Variants in SETD2 observed in about 807,000 individuals in gnomAD.
SETD2 encodes the protein histone-lysine N-methyltransferase SETD2.
In SETD2, 31 loss-of-function variants were observed where a neutral mutation model predicts 242.1. The observed-to-expected ratio is 0.13, with a 90% confidence interval of 0.10 to 0.17. The LOEUF (loss-of-function observed/expected upper bound fraction) is 0.17. Ranked by LOEUF, SETD2 falls within the 10% of genes least tolerant of loss-of-function variation. The pLI, the probability that SETD2 is intolerant of heterozygous loss-of-function variation, is 1.00. For synonymous variants in SETD2, 1,006 were observed against 1,066.5 expected (o/e 0.94, Z 1.11); for missense variants, 2,481 against 3,046.3 (o/e 0.81, Z 4.37).
chr3:47,042,717 C>T lies in SETD2; in HGVS notation c.7099-17G>A, dbSNP rs2039337739. ...CATTTCAGACTACAAAGAAAACACA[C>T]ACATTTTTGATCAGTGATCTCTCTC... On this transcript the variant is annotated splice_polypyrimidine_tract_variant and intron_variant, in intron 16 of 20. Transcript: ENST00000409792. 1.9e-6 allele frequency: 3 copies of T among 1,583,358 alleles called. No homozygotes were observed. The highest frequency in any genetic ancestry group is 1.4e-5 in the African/African-American group (1 of 73,646).
intron 1 of SETD2, among the ~76,000 whole-genome samples, chr3:47,149,650 C>G (rs1011340074): frequency 1.3e-5 from 2 of 152,176 alleles, no homozygotes; most frequent in African/African-American, 4.8e-5. Flanking sequence ...GGGCTGCCCT[C>G]CCTGATTGCC....
intron 1 of SETD2, among the ~76,000 whole-genome samples, chr3:47,137,714 A>T (rs1231714229): frequency 1.3e-5 from 2 of 152,006 alleles, no homozygotes; most frequent in East Asian, 3.9e-4. Context: ...TCTGAGACAG[A>T]ATCTTGCTGT....
At chr3:47,035,440 A>G (rs965866493) in intron 18 of SETD2, among the ~76,000 whole-genome samples, 5 of 152,238 alleles carry the variant, frequency 3.3e-5, no homozygotes, top group African/African-American at 4.8e-5. Context: ...ATTGTGTAGC[A>G]TGGCACATAA....
At chr3:47,142,192 T>C (rs1645119773) in intron 1 of SETD2, among the ~76,000 whole-genome samples, 1 of 152,128 alleles carries the variant, frequency 6.6e-6, no homozygotes, top group Non-Finnish European at 1.5e-5. Context: ...AAGTTCTAAT[T>C]ACGAACTTTG....
intron 18 of SETD2, among the ~76,000 whole-genome samples, chr3:47,037,269 A>C (rs577196620): frequency 4.1e-4 from 51 of 123,334 alleles, no homozygotes; most frequent in South Asian, 1.8e-3. Flanking sequence ...TCCTAATGCT[A>C]TCCCTCCCCC....
intron 5 of SETD2, among the ~76,000 whole-genome samples, chr3:47,110,499 C>T (rs2042607751): frequency 6.6e-6 from 1 of 152,196 alleles, no homozygotes; most frequent in South Asian, 2.1e-4. Context: ...TCTCTTCCTA[C>T]AACTGGGAGA....
Position 47,062,187 on chromosome 3 carries a change from C to T in SETD2, c.6269G>A (p.Arg2090Gln), listed in dbSNP as rs149758106. ...CCTGTCATCTGGCCTTTTTGTTCCC[C>T]GCTCATAGGCAGAAGAGGGTGGTGA... ...SLSPPSSAYE[R>Q]GTKRPDDRYD... The change falls in exon 14 of 21, where the codon CGG (arginine) becomes CAG (glutamine). Residue 2090 changes from arginine (R) to glutamine (Q), a missense_variant. By Grantham distance (43) the Arg-to-Gln change is conservative (BLOSUM62 1). This residue lies in a region of SETD2 where 80 missense variants were observed against 102.6 expected (regional missense o/e 0.78). Coordinates refer to ENST00000409792, the MANE Select transcript of SETD2 (RefSeq NM_014159.7). 1.9e-6 allele frequency: 3 copies of T among 1,613,310 alleles called. No individual in the cohort carries two copies. The highest frequency in any genetic ancestry group is 2.5e-6 in the Non-Finnish European group (3 of 1,179,882).
At chr3:47,086,480 C>G (rs907749007) in intron 10 of SETD2, among the ~76,000 whole-genome samples, 166 bp from the exon 11 acceptor site, 2 of 152,160 alleles carry the variant, frequency 1.3e-5, no homozygotes, top group African/African-American at 4.8e-5. Flanking sequence ...TAGAACTCTA[C>G]AACAAATGCT....
At chr3:47,132,445 C>CCACTG (rs904897302) in intron 1 of SETD2, among the ~76,000 whole-genome samples, 1 of 152,048 alleles carries the variant, frequency 6.6e-6, no homozygotes, top group Non-Finnish European at 1.5e-5. Flanking sequence ...AGAGATTGTG[C>CCACTG]CACTGCACTC....
At chr3:47,053,662 C>T (rs1169362727) in intron 15 of SETD2, among the ~76,000 whole-genome samples, 2 of 152,286 alleles carry the variant, frequency 1.3e-5, no homozygotes, top group African/African-American at 2.4e-5. Context: ...ATTACTTCAC[C>T]GCCAAGGTTA....
intron 18 of SETD2, among the ~76,000 whole-genome samples, chr3:47,037,059 CTTTTTTTTTTTTTT>C (rs10536067): frequency 7.8e-4 from 56 of 71,732 alleles, no homozygotes; most frequent in Admixed American, 1.7e-3. Context: ...AAAGGCCATT[CTTTTTTTTTTTTTT>C]TTTTTTTTTT....
At chr3:47,070,697 T>C (rs1005186408) in intron 12 of SETD2, among the ~76,000 whole-genome samples, 2 of 152,222 alleles carry the variant, frequency 1.3e-5, no homozygotes, top group African/African-American at 2.4e-5. Context: ...TAACCCTTAA[T>C]GTAAGATCAC....
intron 18 of SETD2, among the ~76,000 whole-genome samples, chr3:47,033,416 T>C (rs11713693): frequency 0.33 from 50,077 of 151,990 alleles, 8,658 homozygotes; most frequent in Middle Eastern, 0.46. Flanking sequence ...AGGAAGCACA[T>C]GGTGCAGGAC....
At position 47,122,189 on chromosome 3, in the gene SETD2, A is replaced by T. The variant is rs375501235; in HGVS notation, c.2447T>A (p.Val816Asp). Residue 816 changes from valine (V) to aspartate (D), a missense_variant, in exon 3 of 21, where the codon GTT becomes GAT. By Grantham distance (152) the Val-to-Asp change is radical. This residue lies in a region of SETD2 where 1,300 missense variants were observed against 1,259.2 expected (regional missense o/e 1.03). Transcript: ENST00000409792. The stretch of plus-strand genomic sequence containing the variant: ...AAAGCTATTTGAAGAAATCTTCATA[A>T]CTGAAGGCTCAATATTTTCAGCTTC... Reference protein sequence around the residue: ...NSEAENIEPSVMKISSNSFMN... With the variant: ...NSEAENIEPSDMKISSNSFMN... 1.9e-5 allele frequency: 31 copies of T among 1,614,062 alleles called. 1 individual carries two copies. The South Asian group carries it at 3.1e-4, about 16-fold the overall frequency.
At chr3:47,063,163 T>C (rs1029369911) in intron 13 of SETD2, among the ~76,000 whole-genome samples, 5 of 152,150 alleles carry the variant, frequency 3.3e-5, no homozygotes, top group African/African-American at 1.2e-4. Context: ...TCTATGTAGA[T>C]TTGGTTGACA....
intron 1 of SETD2, among the ~76,000 whole-genome samples, chr3:47,161,444 C>T (rs1697486323): frequency 6.6e-6 from 1 of 152,180 alleles, no homozygotes; most frequent in Admixed American, 6.5e-5. Flanking sequence ...GCATTATAAA[C>T]ACTAACTAGC....
chr3:47,120,822 G>A lies in SETD2; in HGVS notation c.3814C>T (p.Gln1272Ter), dbSNP rs115542291. Residue 1272 changes from glutamine to a stop codon, truncating the protein, a stop_gained, in exon 3 of 21, where the codon CAG (glutamine) becomes TAG (stop). Transcript: ENST00000409792. LOFTEE classifies it high-confidence loss of function. Reference sequence around the variant, plus strand: ...GCTCCATAGCTACTGTCAGGTTGCTGATACGTGGTAGAAGGCTTTTCTTGA... The same window carrying A: ...GCTCCATAGCTACTGTCAGGTTGCTAATACGTGGTAGAAGGCTTTTCTTGA... ...FSQEKPSTTY[Q>*]QPDSSYGACG... 1.2e-6 allele frequency: 2 copies of A among 1,614,214 alleles called. No homozygotes were observed. Among genetic ancestry groups the A allele is most frequent in the Non-Finnish European group, 1.7e-6 (2 of 1,180,026 alleles).
Position 47,017,752 on chromosome 3 carries a change from A to G in SETD2, c.7432-13T>C. On this transcript the variant is annotated splice_polypyrimidine_tract_variant and intron_variant, in intron 19 of 20. Coordinates refer to ENST00000409792, the MANE Select transcript of SETD2 (RefSeq NM_014159.7). This position sits in a 1 kb window ranked among gnomAD's most constrained non-coding sequence, Gnocchi z 4.8. ...TGAACTGGGACATCTGCAGGCAGAG[A>G]AAAGAGAACACGTTGCTCAACAGTC... The G allele has an allele frequency of 6.3e-7, 1 of 1,589,768 alleles. No homozygotes were observed. The highest frequency in any genetic ancestry group is 8.6e-7 in the Non-Finnish European group (1 of 1,157,776).
At chr3:47,019,652 TCCTG>T (rs758829142) in intron 19 of SETD2, 104 bp downstream of exon 19, 29 of 923,164 alleles carry the variant, frequency 3.1e-5, no homozygotes, top group Non-Finnish European at 4.6e-5. Flanking sequence ...CACCTTGTGT[TCCTG>T]CCTATCTTGG....
Sources: gnomAD v4.1 joint callset for allele counts (sites outside exome capture counted in the v4.1 genomes callset) on GRCh38, gnomAD v4.1.1 for gene constraint, gnomAD v4.1.1 regional missense constraint, Gnocchi (gnomAD v3.1) non-coding constraint, MANE v1.5 for transcripts, NCBI Gene and HGNC (gene_info 2026-07-23, HGNC 2026-07-21) for gene names.